ZNF782: variants seen among roughly 807,000 people sequenced by gnomAD.
The protein encoded by ZNF782 is zinc finger protein 782.
In ZNF782, 12 loss-of-function variants were observed where a neutral mutation model predicts 13.0. The observed-to-expected ratio is 0.92, with a 90% CI of 0.59 to 1.50. The LOEUF (loss-of-function observed/expected upper bound fraction) is 1.50. Among genes scored for constraint, ZNF782 ranks in the 40% most tolerant of loss-of-function variants. The probability of loss-of-function intolerance (pLI) is 0.00; values close to 1 mark genes in which losing one functional copy is unlikely to be tolerated. For missense variants in ZNF782, 770 were observed against 822.9 expected (o/e 0.94, Z 0.79); for synonymous variants, 284 against 283.0 (o/e 1.00, Z -0.04).
chr9:96,914,334 C>A, the ZNF782 span, among the ~76,000 whole-genome samples: 265 of 150,998 alleles, frequency 1.8e-3, 2 homozygotes, highest in African/African-American at 6.3e-3. Flanking sequence ...GTTGGCCAGG[C>A]TGGTGTCCAA....
intron 4 of ZNF782, among the ~76,000 whole-genome samples, chr9:96,830,795 TTAAA>T (rs1366514106): frequency 6.6e-6 from 1 of 152,090 alleles, no homozygotes; most frequent in Non-Finnish European, 1.5e-5. Flanking sequence ...GATAAAGACT[TTAAA>T]TAAGCCATCA....
chr9:96,822,888 C>G (rs757727964), intron 5 of ZNF782, among the ~76,000 whole-genome samples: 1 of 151,946 alleles, frequency 6.6e-6, no homozygotes, highest in Non-Finnish European at 1.5e-5. Context: ...GACTTTAATT[C>G]TTCTTACATT....
At chr9:96,844,154 G>A (rs1851272112) in intron 4 of ZNF782, among the ~76,000 whole-genome samples, 1 of 152,174 alleles carries the variant, frequency 6.6e-6, no homozygotes, top group Admixed American at 6.5e-5. Flanking sequence ...ATGAAAAACT[G>A]TGGAGCCAGT....
chr9:96,829,132 T>G (rs1444193477), intron 4 of ZNF782, among the ~76,000 whole-genome samples: 1 of 149,216 alleles, frequency 6.7e-6, no homozygotes, highest in Non-Finnish European at 1.5e-5. Flanking sequence ...GCAACTGATG[T>G]GTATTACGAG....
At chr9:96,823,588 A>C (rs891477587) in intron 5 of ZNF782, among the ~76,000 whole-genome samples, 2 of 152,208 alleles carry the variant, frequency 1.3e-5, no homozygotes, top group Non-Finnish European at 1.5e-5. Flanking sequence ...TACAAACAGA[A>C]GAGATAAAGT....
At chr9:96,865,527 T>C (rs1048215447) in intron 1 of ZNF782, among the ~76,000 whole-genome samples, 4 of 152,240 alleles carry the variant, frequency 2.6e-5, no homozygotes, top group Non-Finnish European at 5.9e-5. Context: ...CCTCTTTCTT[T>C]TGTAAATTGA....
chr9:96,927,774 T>G, the ZNF782 span, among the ~76,000 whole-genome samples: 2 of 150,882 alleles, frequency 1.3e-5, no homozygotes, highest in Non-Finnish European at 2.9e-5. Context: ...CCACTTGGTA[T>G]TCTTTATTCA....
At position 96,844,938 on chromosome 9, in the gene ZNF782, G is replaced by A. The variant is rs752016608; in HGVS notation, c.94C>T (p.Leu32=). ...WQHMGPVERT[L]YRDVMLENYS... ...TTCTCCAGCATCACATCTCTGTACAGGGTCCTCTCAACAGGGCCCATGTGC... is the reference window on the plus strand; with the variant it reads ...TTCTCCAGCATCACATCTCTGTACAAGGTCCTCTCAACAGGGCCCATGTGC... Residue 32 remains leucine (L), a synonymous_variant, in exon 4 of 6, where the codon CTG becomes TTG. Transcript: ENST00000481138. The A allele has an allele frequency of 4.3e-6, 7 of 1,613,854 alleles. No homozygotes were observed. Among genetic ancestry groups the A allele is most frequent in the Non-Finnish European group, 5.9e-6 (7 of 1,179,938 alleles).
chr9:96,931,634 C>G, the ZNF782 span: 1 of 1,466,744 alleles, frequency 6.8e-7, no homozygotes, highest in East Asian at 2.4e-5. Context: ...GTCACATGCC[C>G]TCAGCTGTTG....
the ZNF782 span, chr9:96,887,330 G>GAAGGGGGGGAGGGAGGGAGGAAGGAAGA: frequency 7.2e-6 from 1 of 137,994 alleles, no homozygotes; most frequent in African/African-American, 2.8e-5. Flanking sequence ...AGGAAGGAAG[G>GAAGGGGGGGAGGGAGGGAGGAAGGAAGA]AAGGAAGGAA....
At chr9:96,827,220 A>G in intron 4 of ZNF782, 39 bp from the exon 5 acceptor site, 1 of 1,456,308 alleles carries the variant, frequency 6.9e-7, no homozygotes, top group Non-Finnish European at 9.5e-7. Context: ...CATTAGTTGC[A>G]TAGGTTCTAC....
chr9:96,825,544 A>T (rs1419714680), intron 5 of ZNF782, among the ~76,000 whole-genome samples: 1 of 150,700 alleles, frequency 6.6e-6, no homozygotes, highest in African/African-American at 2.4e-5. Context: ...ACAAAAGCCA[A>T]AATTGACAAA....
chr9:96,882,365 C>A, the ZNF782 span, among the ~76,000 whole-genome samples: 1 of 152,142 alleles, frequency 6.6e-6, no homozygotes, highest in South Asian at 2.1e-4. Context: ...GTACATTTCG[C>A]ATTATTTCCT....
chr9:96,866,815 G>A (rs1851759625), intron 1 of ZNF782, among the ~76,000 whole-genome samples: 1 of 152,240 alleles, frequency 6.6e-6, no homozygotes, highest in African/African-American at 2.4e-5. Context: ...TGTGAGACAT[G>A]GAGTCAAAGG....
At chr9:96,859,149 T>A (rs1172547912), upstream of ZNF782, among the ~76,000 whole-genome samples, 1 of 152,222 alleles carries the variant, frequency 6.6e-6, no homozygotes, top group Non-Finnish European at 1.5e-5. Flanking sequence ...AAAGCCTGGC[T>A]ACTGCAGGAT....
At chr9:96,885,767 C>T in the ZNF782 span, among the ~76,000 whole-genome samples, 1 of 152,122 alleles carries the variant, frequency 6.6e-6, no homozygotes, top group Non-Finnish European at 1.5e-5. Flanking sequence ...ACATTACTTG[C>T]AGAGCCTCAA....
chr9:96,862,074 T>C (rs755592989), intron 1 of ZNF782, among the ~76,000 whole-genome samples: 1 of 152,236 alleles, frequency 6.6e-6, no homozygotes, highest in Non-Finnish European at 1.5e-5. Context: ...GTACTTACTA[T>C]TCAACCATAA....
At chr9:96,926,924 G>C in the ZNF782 span, among the ~76,000 whole-genome samples, 8 of 152,130 alleles carry the variant, frequency 5.3e-5, no homozygotes, top group African/African-American at 1.9e-4. Flanking sequence ...CAGTGCAAAA[G>C]ACTGCTGCCC....
intron 5 of ZNF782, among the ~76,000 whole-genome samples, 174 bp from the exon 6 acceptor site, chr9:96,819,952 ATT>A (rs11327186): frequency 6.6e-6 from 1 of 151,704 alleles, no homozygotes. Flanking sequence ...TTTAGCTTAA[ATT>A]TTTTTTTGTA....
Sources: allele counts gnomAD v4.1 joint callset (sites outside exome capture counted in the v4.1 genomes callset), GRCh38; gene constraint gnomAD v4.1.1; transcripts MANE v1.5; gene names NCBI Gene and HGNC (gene_info 2026-07-23, HGNC 2026-07-21).